ERAP1: variants seen among roughly 807,000 people sequenced by gnomAD.
The protein encoded by ERAP1 is endoplasmic reticulum aminopeptidase 1, also known as adipocyte-derived leucine aminopeptidase.
Under a neutral mutation model 103.7 loss-of-function variants are expected in ERAP1, and 86 were observed. The observed-to-expected ratio is 0.83, with a 90% CI of 0.70 to 0.99. The LOEUF is 0.99. Ranked by LOEUF, ERAP1 falls within the 50% of genes least tolerant of loss-of-function variation. The probability of loss-of-function intolerance (pLI) is 0.00; values close to 1 mark genes in which losing one functional copy is unlikely to be tolerated. For synonymous variants in ERAP1, 398 were observed against 402.4 expected (o/e 0.99, Z 0.13); for missense variants, 1,009 against 1,128.4 (o/e 0.89, Z 1.52).
At chr5:96,891,349 A>ATG in the ERAP1 span, among the ~76,000 whole-genome samples, 24 of 123,880 alleles carry the variant, frequency 1.9e-4, no homozygotes, top group African/African-American at 6.2e-4. Flanking sequence ...GTATATGTAT[A>ATG]TGTGTGTGTA....
At chr5:96,893,107 T>C in the ERAP1 span, among the ~76,000 whole-genome samples, 4 of 152,288 alleles carry the variant, frequency 2.6e-5, no homozygotes, top group South Asian at 2.1e-4. Context: ...CAAGAAATAC[T>C]ACTATTTCTT....
Position 96,774,515 on chromosome 5 carries a change from A to ACACTG in ERAP1, c.*1880_*1881insCAGTG. 1.0e-6 allele frequency: 1 copy of ACACTG among 986,472 alleles called. No individual in the cohort carries two copies. The allele number at this position is 986,472 out of a possible 1,614,324, so 61.1% of individuals were successfully genotyped here. ...GCAAAGAACAATTTTTTATTATCAAAAAGGTTTCTGCACATTGTTGTGGCA... is the reference window on the plus strand; with the variant it reads ...GCAAAGAACAATTTTTTATTATCAAACACTGAAGGTTTCTGCACATTGTTGTGGCA... On this transcript the variant is annotated 3_prime_UTR_variant, in exon 19 of 19. Coordinates refer to ENST00000443439, the MANE Select transcript of ERAP1 (RefSeq NM_001040458.3).
the ERAP1 span, among the ~76,000 whole-genome samples, chr5:96,904,056 T>G: frequency 6.6e-6 from 1 of 152,254 alleles, no homozygotes; most frequent in Non-Finnish European, 1.5e-5. Context: ...TAAGGAAAAG[T>G]ACAAATATAG....
chr5:96,763,412 A>G (rs934945731), intron 19 of ERAP1, among the ~76,000 whole-genome samples: 3 of 152,226 alleles, frequency 2.0e-5, no homozygotes, highest in African/African-American at 7.2e-5. Context: ...GAAAGTCCCC[A>G]TGCAACAGAA....
At chr5:96,859,297 C>T in the ERAP1 span, among the ~76,000 whole-genome samples, 1 of 152,102 alleles carries the variant, frequency 6.6e-6, no homozygotes, top group South Asian at 2.1e-4. Flanking sequence ...AAAAACCCCC[C>T]TGGAAAACAG....
chr5:96,856,349 A>AATATATAT, the ERAP1 span, among the ~76,000 whole-genome samples: 291 of 8,524 alleles, frequency 0.034, 26 homozygotes, highest in East Asian at 0.4. Flanking sequence ...AAAAAAAAAA[A>AATATATAT]ATATATATAT....
chr5:96,827,400 G>A, the ERAP1 span, among the ~76,000 whole-genome samples: 10 of 152,314 alleles, frequency 6.6e-5, no homozygotes, highest in East Asian at 1.7e-3. Flanking sequence ...GATGGCTCAC[G>A]CCTATAATCC....
chr5:96,802,846 T>C (rs934823779), intron 2 of ERAP1, among the ~76,000 whole-genome samples: 2 of 151,746 alleles, frequency 1.3e-5, no homozygotes, highest in African/African-American at 4.8e-5. Context: ...GACTGGGACA[T>C]AGGAAAATAG....
chr5:96,874,176 AAGAAAG>A, the ERAP1 span, among the ~76,000 whole-genome samples: 14 of 73,404 alleles, frequency 1.9e-4, no homozygotes, highest in African/African-American at 6.8e-4. Context: ...GAAAGAAAGA[AAGAAAG>A]AGAGAGAGAA....
At chr5:96,770,373 C>T (rs1038648715), downstream of ERAP1, 38 of 585,066 alleles carry the variant, frequency 6.5e-5, no homozygotes, top group East Asian at 1.0e-3. Flanking sequence ...TTCTCTGACA[C>T]CGTTGTTCAA....
chr5:96,804,090 C>T (rs970730380), intron 1 of ERAP1, 147 bp from the exon 2 acceptor site: 90 of 807,508 alleles, frequency 1.1e-4, no homozygotes, highest in Non-Finnish European at 1.2e-4. Flanking sequence ...GTAAAAGGAC[C>T]TTCCCTATGT....
At chr5:96,903,287 A>G in the ERAP1 span, 1 of 1,025,044 alleles carries the variant, frequency 9.8e-7, no homozygotes, top group Non-Finnish European at 1.4e-6. Context: ...CCATTGATTT[A>G]TAAGTAATTT....
In ERAP1 at chr5:96,786,506, C is replaced by G; in HGVS notation, c.1723G>C (p.Asp575His). 6.2e-7 allele frequency: 1 copy of G among 1,612,226 alleles called. No homozygotes were observed. The highest frequency in any genetic ancestry group is 1.3e-5 in the African/African-American group (1 of 74,950). ...TTTAGCAAAAATCGATGGACCATGT[C>G]GGATTTGCTGGTGATGAATGTCAAT... ...VPLTFITSKS[D>H]MVHRFLLKTK... The change falls in exon 12 of 19, where the codon GAC (aspartate) becomes CAC (histidine). Residue 575 changes from aspartate to histidine, a missense_variant. Around this residue, in one of 3 missense-constraint regions of ERAP1, gnomAD observed 611 missense variants for 651.7 expected, o/e 0.94. Transcript: ENST00000443439.
the ERAP1 span, chr5:96,917,666 G>A: frequency 7.1e-7 from 1 of 1,416,504 alleles, no homozygotes; most frequent in Non-Finnish European, 9.6e-7. Context: ...CAGCACTTTG[G>A]GAGGCTGAGA....
At chr5:96,782,752 T>A (rs2150910647) in intron 15 of ERAP1, among the ~76,000 whole-genome samples, 1 of 152,344 alleles carries the variant, frequency 6.6e-6, no homozygotes, top group Non-Finnish European at 1.5e-5. Flanking sequence ...ATGCATGTGT[T>A]TCTCTATGGC....
chr5:96,820,424 T>C, the ERAP1 span, among the ~76,000 whole-genome samples: 1 of 152,362 alleles, frequency 6.6e-6, no homozygotes, highest in East Asian at 1.9e-4. Context: ...ATACTTCTAA[T>C]TGCTGATCTG....
At chr5:96,912,209 A>G in the ERAP1 span, among the ~76,000 whole-genome samples, 1 of 150,928 alleles carries the variant, frequency 6.6e-6, no homozygotes, top group East Asian at 1.9e-4. Context: ...AAAAAAGAAA[A>G]GAAAAGAAAA....
chr5:96,837,006 A>G, the ERAP1 span, among the ~76,000 whole-genome samples: 1 of 152,220 alleles, frequency 6.6e-6, no homozygotes, highest in Non-Finnish European at 1.5e-5. Flanking sequence ...AAAAATTATG[A>G]TGTCATAAGG....
rs929062069 is a variant in ERAP1 at position 96,775,783 on chromosome 5, A to C, written c.*613T>G. 9 of 230,646 alleles carry C rather than the reference A, an allele frequency of 3.9e-5. 1 individual carries two copies. Among genetic ancestry groups the C allele is most frequent in the Non-Finnish European group, 5.7e-5 (8 of 139,600 alleles). The allele number at this position is 230,646 out of a possible 1,614,324, so 14.3% of individuals were successfully genotyped here. ...CCAGCCCGAGGCATCCCGCAAGGGAATCAGGGAAGAACACCTCCACCTACT... is the reference window on the plus strand; with the variant it reads ...CCAGCCCGAGGCATCCCGCAAGGGACTCAGGGAAGAACACCTCCACCTACT... On this transcript the variant is annotated 3_prime_UTR_variant, in exon 19 of 19. Coordinates refer to ENST00000443439, the MANE Select transcript of ERAP1 (RefSeq NM_001040458.3).
Sources: gnomAD v4.1 joint callset for allele counts (sites outside exome capture counted in the v4.1 genomes callset) on GRCh38, gnomAD v4.1.1 for gene constraint, gnomAD v4.1.1 regional missense constraint, MANE v1.5 for transcripts, NCBI Gene and HGNC (gene_info 2026-07-23, HGNC 2026-07-21) for gene names.